DZIP3: variants seen among roughly 807,000 people sequenced by gnomAD.
The protein encoded by DZIP3 is E3 ubiquitin-protein ligase DZIP3.
DZIP3 carries 118 observed loss-of-function variants against 162.0 expected under a neutral mutation model. That is an observed-to-expected ratio of 0.73 (90% CI 0.63 to 0.85). DZIP3 has a LOEUF of 0.85. Among genes scored for constraint, DZIP3 ranks in the 40% least tolerant of loss-of-function variants. DZIP3 has a pLI of 0.00. For synonymous variants in DZIP3, 438 were observed against 458.6 expected (o/e 0.96, Z 0.57); for missense variants, 1,331 against 1,407.0 (o/e 0.95, Z 0.86).
intron 7 of DZIP3, among the ~76,000 whole-genome samples, chr3:108,628,700 A>T (rs887796165): frequency 6.6e-6 from 1 of 152,178 alleles, no homozygotes; most frequent in African/African-American, 2.4e-5. Flanking sequence ...AATTGCCCCC[A>T]TAGAGGCCTT....
chr3:108,606,217 A>T (rs1940364343), intron 2 of DZIP3, among the ~76,000 whole-genome samples: 1 of 152,160 alleles, frequency 6.6e-6, no homozygotes, highest in South Asian at 2.1e-4. Flanking sequence ...GACCCTGCTG[A>T]GTGGTTCAGT....
At chr3:108,671,648 C>T (rs896802041) in intron 22 of DZIP3, among the ~76,000 whole-genome samples, 14 of 151,790 alleles carry the variant, frequency 9.2e-5, no homozygotes, top group Non-Finnish European at 1.8e-4. Context: ...CACGTAATGA[C>T]GGGGATAATA....
chr3:108,602,831 C>A (rs1329882208), intron 1 of DZIP3: 2 of 152,110 alleles, frequency 1.3e-5, no homozygotes, highest in Non-Finnish European at 2.9e-5. Flanking sequence ...CCACACATAC[C>A]TGTTTAGCTC....
In DZIP3 at chr3:108,694,339, G is replaced by A. The variant is rs1944800756; in HGVS notation, c.*986G>A. Reference sequence around the variant, plus strand: ...AGAATTGCACAATTTAGAATTTATAGAGCCTTTAATCACCTTGTCTAGCAC... The same window carrying A: ...AGAATTGCACAATTTAGAATTTATAAAGCCTTTAATCACCTTGTCTAGCAC... On this transcript the variant is annotated 3_prime_UTR_variant, in exon 33 of 33. Transcript: ENST00000361582. 1 of 152,138 alleles carries A rather than the reference G, an allele frequency of 6.6e-6. No homozygotes were observed. Among genetic ancestry groups the A allele is most frequent in the South Asian group, 2.1e-4 (1 of 4,830 alleles). The allele number at this position is 152,138 out of a possible 1,614,324, so 9.4% of individuals were successfully genotyped here. A position where few individuals can be genotyped will look rare whatever the true frequency, so the allele number is the denominator to read the frequency against.
chr3:108,610,394 G>C (rs1356272022), intron 3 of DZIP3, among the ~76,000 whole-genome samples: 2 of 152,172 alleles, frequency 1.3e-5, no homozygotes, highest in East Asian at 3.8e-4. Context: ...CACCATAGTT[G>C]AGATTAGACA....
intron 6 of DZIP3, among the ~76,000 whole-genome samples, chr3:108,625,000 A>C (rs1245741208): frequency 1.3e-5 from 2 of 152,154 alleles, no homozygotes; most frequent in Non-Finnish European, 2.9e-5. Context: ...AAATATATAA[A>C]TATGACTTGT....
chr3:108,672,433 G>A (rs1943956125), intron 22 of DZIP3, 127 bp from the exon 23 acceptor site: 3 of 725,924 alleles, frequency 4.1e-6, no homozygotes, highest in African/African-American at 1.8e-5. Flanking sequence ...TTGTTTCTAT[G>A]TGCTCTATAC....
intron 3 of DZIP3, among the ~76,000 whole-genome samples, chr3:108,609,325 C>T (rs1940568254): frequency 6.6e-6 from 1 of 152,042 alleles, no homozygotes; most frequent in Non-Finnish European, 1.5e-5. Context: ...GTAAAAAATG[C>T]TGCAGAGGAA....
chr3:108,662,226 C>A lies in DZIP3; in HGVS notation c.2392C>A (p.Gln798Lys), dbSNP rs1943472308. The change falls in exon 21 of 33, where the codon CAA becomes AAA. Residue 798 changes from glutamine to lysine, a missense_variant. By Grantham distance (53) the Gln-to-Lys change is moderately conservative. This residue lies in a region of DZIP3 where 1,278 missense variants were observed against 1,317.1 expected (regional missense o/e 0.97). Transcript: ENST00000361582. Reference protein sequence around the residue: ...KDKIIASLNQQVAFGINKVSK... With the variant: ...KDKIIASLNQKVAFGINKVSK... ...CAAAATTATCGCATCTCTTAATCAA[C>A]AAGTTGCTTTTGGAATCAATAAGGT... The A allele has an allele frequency of 6.3e-7, 1 of 1,597,256 alleles. No homozygotes were observed. Among genetic ancestry groups the A allele is most frequent in the African/African-American group, 1.4e-5 (1 of 73,632 alleles).
Position 108,633,672 on chromosome 3 carries a change from C to G in DZIP3, c.816+600C>G, listed in dbSNP as rs527587674. 3.4e-3 allele frequency among the ~76,000 whole-genome samples: 490 copies of G among 144,412 alleles called. 1 individual carries two copies. Among genetic ancestry groups the G allele is most frequent in the African/African-American group, 0.012 (462 of 38,724 alleles). The allele number at this position is 144,412 out of a possible 152,430, so 94.7% of individuals were successfully genotyped here. ...CTCTCTCTCTGGATCTATCAGAGTA[C>G]TTCTGATAGATCTCTCTCTCTGGAT... On this transcript the variant is annotated intron_variant, in intron 9 of 32. Transcript: ENST00000361582.
intron 12 of DZIP3, 108 bp downstream of exon 12, chr3:108,637,656 T>TAAGGTAGTATA: frequency 2.7e-6 from 2 of 746,434 alleles, no homozygotes; most frequent in Non-Finnish European, 4.2e-6. Context: ...CATTAAATTT[T>TAAGGTAGTATA]AAGGTATGTG....
rs1943458572 is a variant in DZIP3 at position 108,661,969 on chromosome 3, T to C, written c.2292T>C (p.Cys764=). The change falls in exon 20 of 33, where the codon TGT becomes TGC. Residue 764 remains cysteine (C), a synonymous_variant. Coordinates refer to ENST00000361582, the MANE Select transcript of DZIP3 (RefSeq NM_014648.4). ...QRQLYKLHYQ[C]EDFKRQLRTV... ...AGCTTTATAAATTGCACTATCAGTG[T>C]GAAGTAAGTATTTTTGCCATTAGAT... 3.1e-6 allele frequency: 5 copies of C among 1,613,030 alleles called. No individual in the cohort carries two copies. In the East Asian group the frequency reaches 1.1e-4, roughly 36 times the overall value.
In DZIP3 at chr3:108,694,127, TTTTGCCTCC is replaced by T. The variant is rs1944796306; in HGVS notation, c.*775_*783del. 6.6e-6 allele frequency: 1 copy of T among 152,186 alleles called. No homozygotes were observed. The highest frequency in any genetic ancestry group is 1.5e-5 in the Non-Finnish European group (1 of 68,014). 9.4% of individuals were successfully genotyped at this position (152,186 alleles called of 1,614,324 possible). On this transcript the variant is annotated 3_prime_UTR_variant, in exon 33 of 33. Coordinates refer to ENST00000361582, the MANE Select transcript of DZIP3 (RefSeq NM_014648.4). ...TAAATGTTTCCTGACTCAGAAACAA[TTTTGCCTCC>T]ATATTTCAGTGCAAATATATTTTGA...
intron 6 of DZIP3, 42 bp from the exon 7 acceptor site, chr3:108,625,803 A>G: frequency 6.9e-7 from 1 of 1,459,810 alleles, no homozygotes. Context: ...AAAAAAAAAA[A>G]TGACTTTTAC....
At chr3:108,675,696 A>T (rs1184750107) in intron 24 of DZIP3, 90 bp from the exon 25 acceptor site, 3 of 1,118,278 alleles carry the variant, frequency 2.7e-6, no homozygotes, top group Non-Finnish European at 3.7e-6. Context: ...TTTTGTTGAC[A>T]TATATGCTAG....
At position 108,642,768 on chromosome 3, in the gene DZIP3, C is replaced by T. The variant is rs116386333; in HGVS notation, c.1141+254C>T. Among the ~76,000 whole-genome samples, 477 of 152,210 alleles carry T rather than the reference C, an allele frequency of 3.1e-3. 2 individuals carry two copies. The highest frequency in any genetic ancestry group is 0.011 in the African/African-American group (454 of 41,532). ...GTCTGGTGCATAGCTGTGACTATACCGTGGGATTGTGTTCCAGCAGAGGTT... is the reference window on the plus strand; with the variant it reads ...GTCTGGTGCATAGCTGTGACTATACTGTGGGATTGTGTTCCAGCAGAGGTT... On this transcript the variant is annotated intron_variant, in intron 13 of 32. Transcript: ENST00000361582.
At chr3:108,636,035 G>A (rs1942132569) in intron 10 of DZIP3, among the ~76,000 whole-genome samples, 2 of 151,780 alleles carry the variant, frequency 1.3e-5, no homozygotes, top group Admixed American at 1.3e-4. Flanking sequence ...ATTTCATAGG[G>A]TTTTTGTAAG....
At chr3:108,630,494 C>T (rs1473591533) in intron 8 of DZIP3, among the ~76,000 whole-genome samples, 1 of 151,924 alleles carries the variant, frequency 6.6e-6, no homozygotes, top group Non-Finnish European at 1.5e-5. Context: ...ATTTTTAAAG[C>T]CCCAATCACA....
At position 108,672,623 on chromosome 3, in the gene DZIP3, G is replaced by T; in HGVS notation, c.2556G>T (p.Leu852=). The change falls in exon 23 of 33, where the codon CTG becomes CTT. Residue 852 remains leucine, a synonymous_variant. Transcript: ENST00000361582. The stretch of plus-strand genomic sequence containing the variant: ...CAATGAAAACATACGTAAGCAAACT[G>T]AACGCAGAAACTAGCAGAGCTTTAA... The part of the protein sequence containing the change: ...ESTMKTYVSK[L]NAETSRALTA... The T allele has an allele frequency of 6.2e-7, 1 of 1,611,810 alleles. No homozygotes were observed. The highest frequency in any genetic ancestry group is 1.1e-5 in the South Asian group (1 of 90,958).
Sources: gnomAD v4.1 joint callset for allele counts (sites outside exome capture counted in the v4.1 genomes callset) on GRCh38, gnomAD v4.1.1 for gene constraint, gnomAD v4.1.1 regional missense constraint, MANE v1.5 for transcripts, NCBI Gene and HGNC (gene_info 2026-07-23, HGNC 2026-07-21) for gene names.